Variants in ZXDC observed in about 807,000 individuals in gnomAD.
ZXDC encodes the protein zinc finger protein ZXDC.
A neutral mutation model predicts 63.6 loss-of-function variants in ZXDC; 58 were observed. That is an observed-to-expected ratio of 0.91 (90% CI 0.74 to 1.13). The LOEUF (loss-of-function observed/expected upper bound fraction) is 1.13, where lower values mean the gene tolerates loss of function less well. Among genes scored for constraint, ZXDC ranks in the 50% most tolerant of loss-of-function variants. The pLI, the probability that ZXDC is intolerant of heterozygous loss-of-function variation, is 0.00. For synonymous variants in ZXDC, 561 were observed against 496.1 expected (o/e 1.13, Z -1.74); for missense variants, 1,133 against 1,148.9 (o/e 0.99, Z 0.20).
chr3:126,447,099 C>T (rs1438691853), intron 7 of ZXDC, among the ~76,000 whole-genome samples: 1 of 152,226 alleles, frequency 6.6e-6, no homozygotes, highest in Non-Finnish European at 1.5e-5. Context: ...CCTGAGTACC[C>T]GACTGCCTCC....
In ZXDC at chr3:126,466,294, A is replaced by G. The variant is rs1179194504; in HGVS notation, c.1302T>C (p.Ser434=). Residue 434 remains serine, a synonymous_variant, in exon 5 of 10, where the codon AGT becomes AGC. Transcript: ENST00000389709. The stretch of plus-strand genomic sequence containing the variant: ...CGTGTTTCTTAGAGTGAATGTACAG[A>G]CTGCTACGAGCGGAGAACCTCGCGC... ...GCCARFSARS[S]LYIHSKKHVQ... 7 of 1,614,180 alleles carry G rather than the reference A, an allele frequency of 4.3e-6. No homozygotes were observed. The highest frequency in any genetic ancestry group is 5.9e-6 in the Non-Finnish European group (7 of 1,180,032).
intron 4 of ZXDC, among the ~76,000 whole-genome samples, chr3:126,466,579 C>T (rs751832219): frequency 6.6e-6 from 1 of 152,240 alleles, no homozygotes; most frequent in African/African-American, 2.4e-5. Flanking sequence ...GCCTAAGCAA[C>T]CTCTGTGCCT....
chr3:126,470,935 T>G lies in ZXDC; in HGVS notation c.1230A>C (p.Ile410=). The G allele has an allele frequency of 6.2e-7, 1 of 1,614,244 alleles. No homozygotes were observed. The highest frequency in any genetic ancestry group is 8.5e-7 in the Non-Finnish European group (1 of 1,180,048). ...CGAACGGCTTTGTGCCTAGGTGGGT[T>G]ATGCTGTGGCCTTTCAGATGCTCTG... is the stretch of plus-strand genomic sequence containing the variant. ...TRAEHLKGHS[I]THLGTKPFEC... is the part of the protein sequence containing the mutation. The change falls in exon 4 of 10, where the codon ATA becomes ATC. Residue 410 remains isoleucine (I), a synonymous_variant. Transcript: ENST00000389709.
At chr3:126,460,890 C>T in intron 6 of ZXDC, 2 of 985,048 alleles carry the variant, frequency 2.0e-6, no homozygotes, top group Non-Finnish European at 2.4e-6. Flanking sequence ...TAGCCTGTGC[C>T]ACAAAAAAAA....
intron 7 of ZXDC, chr3:126,453,253 G>T: frequency 1.0e-6 from 1 of 985,322 alleles, no homozygotes; most frequent in Non-Finnish European, 1.2e-6. Context: ...GTATTCCAAA[G>T]AATTTGTGGA....
intron 6 of ZXDC, 47 bp downstream of exon 6, chr3:126,461,488 T>C: frequency 6.4e-7 from 1 of 1,552,720 alleles, no homozygotes; most frequent in Non-Finnish European, 8.7e-7. Flanking sequence ...AGACCGAGTA[T>C]GAGAGAAGTG....
chr3:126,447,058 G>C (rs1933909920), intron 7 of ZXDC, among the ~76,000 whole-genome samples: 1 of 152,146 alleles, frequency 6.6e-6, no homozygotes, highest in Non-Finnish European at 1.5e-5. Context: ...GTTCTGCAGG[G>C]GCACTCTCTC....
At chr3:126,441,413 G>T in intron 8 of ZXDC, 1 of 1,078,094 alleles carries the variant, frequency 9.3e-7, no homozygotes. Context: ...AGAAGGGCAG[G>T]GTGGCCTCAA....
rs117583029 is a variant in ZXDC, at chr3:126,439,589, C to A, written c.2490+43G>T. ...AGGCTTCTGGAAGTCGAAGGCTCTGCGAGTCTCAATAAGAAAAACAAAGGG... is the reference window on the plus strand; with the variant it reads ...AGGCTTCTGGAAGTCGAAGGCTCTGAGAGTCTCAATAAGAAAAACAAAGGG... On this transcript the variant is annotated intron_variant, in intron 9 of 9. Transcript: ENST00000389709. The A allele has an allele frequency of 1.0e-3, 1,556 of 1,551,002 alleles. 5 individuals are homozygous for A. The highest frequency in any genetic ancestry group is 1.3e-3 in the Non-Finnish European group (1,487 of 1,146,972).
At chr3:126,441,269 A>G (rs779821756) in intron 8 of ZXDC, 52 of 986,820 alleles carry the variant, frequency 5.3e-5, no homozygotes, top group Non-Finnish European at 6.0e-5. Flanking sequence ...TTCGTAGGAA[A>G]GAAAATAGAA....
chr3:126,457,317 A>G, intron 7 of ZXDC: 2 of 985,456 alleles, frequency 2.0e-6, no homozygotes, highest in Non-Finnish European at 2.4e-6. Flanking sequence ...CAAGACACAC[A>G]GAGGAGCGCT....
At chr3:126,460,789 C>T in intron 6 of ZXDC, 1 of 985,290 alleles carries the variant, frequency 1.0e-6, no homozygotes, top group Non-Finnish European at 1.2e-6. Context: ...TGCCTCACAA[C>T]TGATCCTACT....
chr3:126,451,719 T>C (rs1934105508), intron 7 of ZXDC: 4 of 985,380 alleles, frequency 4.1e-6, no homozygotes, highest in Non-Finnish European at 3.6e-6. Context: ...ATCCTCCTCA[T>C]GACCTTCTGC....
chr3:126,457,237 T>A (rs1353220426), intron 7 of ZXDC: 1 of 983,350 alleles, frequency 1.0e-6, no homozygotes, highest in East Asian at 1.1e-4. Context: ...AAATGCAGCA[T>A]GAGTATGCAG....
intron 1 of ZXDC, among the ~76,000 whole-genome samples, chr3:126,473,890 C>G (rs769406837): frequency 6.6e-6 from 1 of 152,116 alleles, no homozygotes; most frequent in Non-Finnish European, 1.5e-5. Flanking sequence ...GCCACCCAGC[C>G]GACTCCATTC....
chr3:126,438,051 T>C lies in ZXDC; in HGVS notation c.*324A>G. The C allele has an allele frequency of 3.0e-6, 1 of 334,698 alleles. No individual in the cohort carries two copies. Among genetic ancestry groups the C allele is most frequent in the Non-Finnish European group, 5.5e-6 (1 of 180,578 alleles). The allele number at this position is 334,698 out of a possible 1,614,324, so 20.7% of individuals were successfully genotyped here. On this transcript the variant is annotated 3_prime_UTR_variant, in exon 10 of 10. Coordinates refer to ENST00000389709, the MANE Select transcript of ZXDC (RefSeq NM_025112.5). ...ACCCTATTTCCTGCAGAAGTCTTTTTCTTTGTAATGCAACAAGTGCTACAC... is the reference window on the plus strand; with the variant it reads ...ACCCTATTTCCTGCAGAAGTCTTTTCCTTTGTAATGCAACAAGTGCTACAC...
intron 4 of ZXDC, among the ~76,000 whole-genome samples, chr3:126,468,893 C>G (rs1934873079): frequency 6.6e-6 from 1 of 152,228 alleles, no homozygotes; most frequent in South Asian, 2.1e-4. Flanking sequence ...CCTGCCAGTA[C>G]CCGTCCCAGC....
At position 126,462,123 on chromosome 3, in the gene ZXDC, T is replaced by G. The variant is rs1228789453; in HGVS notation, c.1539A>C (p.Ala513=). The change falls in exon 6 of 10, where the codon GCA becomes GCC. Residue 513 remains alanine, a synonymous_variant. Coordinates refer to ENST00000389709, the MANE Select transcript of ZXDC (RefSeq NM_025112.5). Reference sequence around the variant, plus strand: ...CATTGGCAGGTGTGTCAGAGAAGAGTGCAGCAAGATCCATGTTAGTGAGCT... The same window carrying G: ...CATTGGCAGGTGTGTCAGAGAAGAGGGCAGCAAGATCCATGTTAGTGAGCT... ...QSELTNMDLA[A]LFSDTPANAS... is the part of the protein sequence containing the mutation. The G allele has an allele frequency of 1.2e-6, 2 of 1,613,592 alleles. No homozygotes were observed. The highest frequency in any genetic ancestry group is 1.7e-6 in the Non-Finnish European group (2 of 1,180,008).
Position 126,470,993 on chromosome 3 carries a change from G to A in ZXDC, c.1172C>T (p.Pro391Leu), listed in dbSNP as rs1454833821. Residue 391 changes from proline to leucine, a missense_variant, in exon 4 of 10, where the codon CCT (proline) becomes CTT (leucine). Coordinates refer to ENST00000389709, the MANE Select transcript of ZXDC (RefSeq NM_025112.5). ...GAATGATTTCCCACAGCCCTCGACAGGGCAGGTAAACCTCCGGTCATCGTC... is the reference window on the plus strand; with the variant it reads ...GAATGATTTCCCACAGCCCTCGACAAGGCAGGTAAACCTCCGGTCATCGTC... The part of the protein sequence containing the change: ...KHDDDRRFTC[P>L]VEGCGKSFTR... The A allele has an allele frequency of 2.5e-6, 4 of 1,614,050 alleles. No individual in the cohort carries two copies. The highest frequency in any genetic ancestry group is 2.5e-6 in the Non-Finnish European group (3 of 1,180,036).
Sources: gnomAD v4.1 joint callset for allele counts (sites outside exome capture counted in the v4.1 genomes callset) on GRCh38, gnomAD v4.1.1 for gene constraint, MANE v1.5 for transcripts, NCBI Gene and HGNC (gene_info 2026-07-23, HGNC 2026-07-21) for gene names.